SLC38A2: variants seen among roughly 807,000 people sequenced by gnomAD.
SLC38A2 encodes the protein solute carrier family 38 member 2.
Under a neutral mutation model 61.5 loss-of-function variants are expected in SLC38A2, and 11 were observed. That is an observed-to-expected ratio of 0.18 (90% CI 0.11 to 0.30). The LOEUF is 0.30. SLC38A2 is among the 10% of genes least tolerant of loss of function. The pLI, the probability that SLC38A2 is intolerant of heterozygous loss-of-function variation, is 1.00. For missense variants in SLC38A2, 522 were observed against 600.4 expected, an observed-to-expected ratio of 0.87 and a Z score of 1.36; for synonymous variants, 217 against 212.5, an observed-to-expected ratio of 1.02 and a Z score of -0.18.
At chr12:46,365,248 A>G in intron 7 of SLC38A2, 59 bp from the exon 8 acceptor site, 1 of 1,292,950 alleles carries the variant, frequency 7.7e-7, no homozygotes, top group Non-Finnish European at 1.1e-6. Flanking sequence ...AAATATACAC[A>G]TCTTCTAACA....
At position 46,361,089 on chromosome 12, in the gene SLC38A2, G is replaced by GT. The variant is rs776029303; in HGVS notation, c.*21dup. On this transcript the variant is annotated 3_prime_UTR_variant, in exon 16 of 16. Coordinates refer to ENST00000256689, the MANE Select transcript of SLC38A2 (RefSeq NM_018976.5). ...TCAACACTGGCATCAGATGGACTGA[G>GT]TTTGAGTTTGAGTGGTGCCAATTAA... The GT allele has an allele frequency of 1.3e-6, 2 of 1,589,038 alleles. No homozygotes were observed. The highest frequency in any genetic ancestry group is 1.7e-6 in the Non-Finnish European group (2 of 1,159,118).
At chr12:46,370,252 A>C (rs892265774) in intron 4 of SLC38A2, among the ~76,000 whole-genome samples, 6 of 152,196 alleles carry the variant, frequency 3.9e-5, no homozygotes, top group South Asian at 4.1e-4. Context: ...ATTTTGTTTT[A>C]ACTATTCCCA....
intron 15 of SLC38A2, 60 bp downstream of exon 15, chr12:46,362,224 A>G (rs1354660696): frequency 2.2e-5 from 30 of 1,338,250 alleles, no homozygotes; most frequent in Non-Finnish European, 2.8e-5. Context: ...ATAAAATTAA[A>G]ATCAGTTGGG....
rs375807275 is a variant in SLC38A2 at position 46,366,844 on chromosome 12, T to G, written c.563+20A>C. On this transcript the variant is annotated intron_variant, in intron 7 of 15. Coordinates refer to ENST00000256689, the MANE Select transcript of SLC38A2 (RefSeq NM_018976.5). ...TTTGACTATAATTGTTTCTTATGAG[T>G]AACCTTACTTAGCACCTACCCAGTT... 1 of 1,589,862 alleles carries G rather than the reference T, an allele frequency of 6.3e-7. No homozygotes were observed. The highest frequency in any genetic ancestry group is 1.4e-5 in the African/African-American group (1 of 73,496).
rs1437617421 is a variant in SLC38A2, at chr12:46,366,963, T to C, written c.482-18A>G. On this transcript the variant is annotated intron_variant, in intron 6 of 15. Transcript: ENST00000256689. ...TGACATAGCTGGAGGAAAACAAAATTATACCATTACAAGTGCAAAACGCGG... is the reference window on the plus strand; with the variant it reads ...TGACATAGCTGGAGGAAAACAAAATCATACCATTACAAGTGCAAAACGCGG... 5.0e-6 allele frequency: 8 copies of C among 1,612,824 alleles called. No individual in the cohort carries two copies. The South Asian group carries it at 7.7e-5, about 16-fold the overall frequency.
intron 13 of SLC38A2, 59 bp downstream of exon 13, chr12:46,362,962 C>T: frequency 1.3e-6 from 2 of 1,593,768 alleles, no homozygotes; most frequent in South Asian, 2.2e-5. Flanking sequence ...GAAAATCTCA[C>T]CAATATTCAC....
Position 46,363,710 on chromosome 12 carries a change from A to G in SLC38A2, c.1054+16T>C, listed in dbSNP as rs1383306868. 6.7e-7 allele frequency: 1 copy of G among 1,499,020 alleles called. No homozygotes were observed. The highest frequency in any genetic ancestry group is 2.3e-5 in the East Asian group (1 of 43,338). The allele number at this position is 1,499,020 out of a possible 1,614,324, so 92.9% of individuals were successfully genotyped here. ...TTTGTTTTTGTTTTTGTTTTGGTAA[A>G]GGAGGCGTTACTTACCGTAAAATGT... On this transcript the variant is annotated intron_variant, in intron 12 of 15. Transcript: ENST00000256689.
intron 1 of SLC38A2, chr12:46,371,678 C>A (rs936967437): frequency 8.7e-6 from 2 of 230,202 alleles, no homozygotes; most frequent in Non-Finnish European, 1.7e-5. Flanking sequence ...AGGGGGGGTT[C>A]TGTTTTGCTT....
In SLC38A2 at chr12:46,366,852, C is replaced by T; in HGVS notation, c.563+12G>A. On this transcript the variant is annotated intron_variant, in intron 7 of 15. Coordinates refer to ENST00000256689, the MANE Select transcript of SLC38A2 (RefSeq NM_018976.5). ...TAATTGTTTCTTATGAGTAACCTTA[C>T]TTAGCACCTACCCAGTTTTATCTTC... is the stretch of plus-strand genomic sequence containing the variant. 6.2e-7 allele frequency: 1 copy of T among 1,606,350 alleles called. No homozygotes were observed. The highest frequency in any genetic ancestry group is 1.3e-5 in the African/African-American group (1 of 74,586).
intron 7 of SLC38A2, 63 bp downstream of exon 7, chr12:46,366,801 A>C (rs1301277762): frequency 1.4e-6 from 2 of 1,423,028 alleles, no homozygotes; most frequent in Non-Finnish European, 1.9e-6. Flanking sequence ...AACTTTGATA[A>C]AAATGTATCT....
rs1295252961 is a variant in SLC38A2 at position 46,358,626 on chromosome 12, C to G, written c.*2485G>C. 6.6e-6 allele frequency: 1 copy of G among 152,350 alleles called. No individual in the cohort carries two copies. The highest frequency in any genetic ancestry group is 1.5e-5 in the Non-Finnish European group (1 of 68,010). The allele number at this position is 152,350 out of a possible 1,614,324, so 9.4% of individuals were successfully genotyped here. Reference sequence around the variant, plus strand: ...TTCTTATAGTTACATAATGTGAATTCATCAAAATGCAGTTAAGAAACTTAC... The same window carrying G: ...TTCTTATAGTTACATAATGTGAATTGATCAAAATGCAGTTAAGAAACTTAC... On this transcript the variant is annotated 3_prime_UTR_variant, in exon 16 of 16. Transcript: ENST00000256689.
At chr12:46,364,976 T>A in intron 8 of SLC38A2, 131 bp downstream of exon 8, 2 of 874,472 alleles carry the variant, frequency 2.3e-6, no homozygotes, top group Non-Finnish European at 3.6e-6. Flanking sequence ...AAATTTTGCA[T>A]GCTGTAAGTC....
intron 8 of SLC38A2, 156 bp downstream of exon 8, chr12:46,364,951 A>T: frequency 1.3e-6 from 1 of 749,882 alleles, no homozygotes; most frequent in Non-Finnish European, 2.2e-6. Flanking sequence ...GTGTCAATTA[A>T]ATATTTTGGC....
At position 46,364,376 on chromosome 12, in the gene SLC38A2, C is replaced by A. The variant is rs369927036; in HGVS notation, c.873+13G>T. ...TAAACTCTTCTTTTGAGAAAATAAG[C>A]ATATTTAGTTACCTGTGAGTTGAAA... On this transcript the variant is annotated intron_variant, in intron 10 of 15. Coordinates refer to ENST00000256689, the MANE Select transcript of SLC38A2 (RefSeq NM_018976.5). 46 of 1,563,762 alleles carry A rather than the reference C, an allele frequency of 2.9e-5. No individual in the cohort carries two copies. Among genetic ancestry groups the A allele is most frequent in the Non-Finnish European group, 3.7e-5 (43 of 1,161,390 alleles).
Position 46,363,100 on chromosome 12 carries a change from C to T in SLC38A2, c.1100G>A (p.Gly367Glu). The T allele has an allele frequency of 6.2e-7, 1 of 1,612,970 alleles. No homozygotes were observed. The highest frequency in any genetic ancestry group is 8.5e-7 in the Non-Finnish European group (1 of 1,179,186). The change falls in exon 13 of 16, where the codon GGA becomes GAA. Residue 367 changes from glycine to glutamate, a missense_variant. Gly to Glu is a moderately conservative substitution (Grantham distance 98, BLOSUM62 -2). Around this residue, in one of 3 missense-constraint regions of SLC38A2, gnomAD observed 309 missense variants for 343.9 expected, o/e 0.90. Coordinates refer to ENST00000256689, the MANE Select transcript of SLC38A2 (RefSeq NM_018976.5). ...ELLHTYSSIL[G>E]TDILLLIVRL... Reference sequence around the variant, plus strand: ...GACAATGAGAAGAAGAATATCAGTTCCCAAGATAGAAGAGTAGGTATGAAG... The same window carrying T: ...GACAATGAGAAGAAGAATATCAGTTTCCAAGATAGAAGAGTAGGTATGAAG...
chr12:46,364,609 T>G, intron 9 of SLC38A2, 35 bp downstream of exon 9: 1 of 1,594,954 alleles, frequency 6.3e-7, no homozygotes, highest in Non-Finnish European at 8.5e-7. Flanking sequence ...GCAGGGCTTA[T>G]AAAAAATTTT....
chr12:46,371,459 GGCTGATTC>G (rs1943199065), intron 1 of SLC38A2, 80 bp from the exon 2 acceptor site: 1 of 606,178 alleles, frequency 1.6e-6, no homozygotes, highest in African/African-American at 1.9e-5. Context: ...GGCGCAGCGC[GGCTGATTC>G]ATCCCAGGCC....
At position 46,372,708 on chromosome 12, in the gene SLC38A2, C is replaced by G. The variant is rs184962497; in HGVS notation, c.-286G>C. The G allele has an allele frequency of 1.7e-3, 684 of 398,494 alleles. 3 individuals are homozygous for G. Among genetic ancestry groups the G allele is most frequent in the Admixed American group, 2.5e-3 (56 of 22,736 alleles). 24.7% of individuals were successfully genotyped at this position (398,494 alleles called of 1,614,324 possible). A position where few individuals can be genotyped will look rare whatever the true frequency, so the allele number is the denominator to read the frequency against. On this transcript the variant is annotated 5_prime_UTR_variant, in exon 1 of 16. Coordinates refer to ENST00000256689, the MANE Select transcript of SLC38A2 (RefSeq NM_018976.5). ...AGGGAAAGGCGCGAGCGTGCGGTAA[C>G]GCGTGGTCGGGCTGCTGCTAGCAGT... is the stretch of plus-strand genomic sequence containing the variant.
intron 10 of SLC38A2, 62 bp from the exon 11 acceptor site, chr12:46,364,065 G>A (rs752216588): frequency 1.5e-5 from 20 of 1,354,188 alleles, no homozygotes; most frequent in East Asian, 7.4e-5. Flanking sequence ...TCACATTTCC[G>A]CAGCATATAT....
Sources: allele counts gnomAD v4.1 joint callset (sites outside exome capture counted in the v4.1 genomes callset), GRCh38; gene constraint gnomAD v4.1.1; regional missense constraint gnomAD v4.1.1; transcripts MANE v1.5; gene names NCBI Gene and HGNC (gene_info 2026-07-23, HGNC 2026-07-21).